The following ZNF469 variants were observed in gnomAD, a reference collection of about 807,000 sequenced individuals.
ZNF469 encodes the protein zinc finger protein 469.
ZNF469 carries 1 observed loss-of-function variant against 1.0 expected under a neutral mutation model. The observed-to-expected ratio is 1.00, with a 90% CI of 0.35 to 4.73. The LOEUF is 4.73. Among genes scored for constraint, ZNF469 ranks in the 30% most tolerant of loss-of-function variants. ZNF469 has a pLI of 0.16. For synonymous variants in ZNF469, 2,703 were observed against 2,363.4 expected (o/e 1.14, Z -4.17); for missense variants, 6,100 against 5,356.3 (o/e 1.14, Z -4.33).
the ZNF469 span, among the ~76,000 whole-genome samples, chr16:88,134,266 C>T: frequency 4.6e-5 from 7 of 152,204 alleles, no homozygotes; most frequent in East Asian, 1.9e-4. Context: ...CCTTCTGCGT[C>T]GGGACACACT....
chr16:88,413,536 G>A (rs1220780591), intron 1 of ZNF469, among the ~76,000 whole-genome samples: 1 of 152,250 alleles, frequency 6.6e-6, no homozygotes, highest in Non-Finnish European at 1.5e-5. Context: ...GGGCCCCGCC[G>A]TCCTGCCTGC....
chr16:88,290,068 C>T, the ZNF469 span, among the ~76,000 whole-genome samples: 1 of 152,204 alleles, frequency 6.6e-6, no homozygotes, highest in African/African-American at 2.4e-5. Flanking sequence ...AGAGCTCAGA[C>T]AGCAGCGATG....
the ZNF469 span, among the ~76,000 whole-genome samples, chr16:88,119,971 C>T: frequency 8.5e-5 from 13 of 152,140 alleles, no homozygotes; most frequent in African/African-American, 1.2e-4. Context: ...GTCTCTCTGC[C>T]GCCGCCGTGC....
chr16:88,167,094 A>G, the ZNF469 span, among the ~76,000 whole-genome samples: 8,193 of 116,526 alleles, frequency 0.07, 312 homozygotes, highest in African/African-American at 0.11. Context: ...GGGAAATCCC[A>G]TCTGTCCTCC....
At chr16:88,117,803 G>A in the ZNF469 span, among the ~76,000 whole-genome samples, 40 of 152,340 alleles carry the variant, frequency 2.6e-4, no homozygotes, top group African/African-American at 8.7e-4. Context: ...TGGACCTGTC[G>A]GAGTGACTGT....
the ZNF469 span, among the ~76,000 whole-genome samples, chr16:88,211,183 C>T: frequency 1.1e-4 from 17 of 152,206 alleles, no homozygotes; most frequent in African/African-American, 2.9e-4. Context: ...TGGAGGTTTT[C>T]GACCATTAGC....
chr16:88,364,085 T>C, the ZNF469 span, among the ~76,000 whole-genome samples: 1 of 152,262 alleles, frequency 6.6e-6, no homozygotes. Flanking sequence ...ATTTTTTGTG[T>C]TACCTTCTGG....
At chr16:88,292,694 C>T in the ZNF469 span, among the ~76,000 whole-genome samples, 40 of 151,446 alleles carry the variant, frequency 2.6e-4, 1 homozygote, top group South Asian at 1.7e-3. Flanking sequence ...TGAAGCGCCT[C>T]CTGCTCTGGG....
intron 1 of ZNF469, among the ~76,000 whole-genome samples, chr16:88,417,714 C>T (rs1905342001): frequency 6.6e-6 from 1 of 152,204 alleles, no homozygotes. Context: ...AGAGGGTAGG[C>T]TGTGTCTCCA....
chr16:88,211,195 C>G, the ZNF469 span, among the ~76,000 whole-genome samples: 1 of 152,254 alleles, frequency 6.6e-6, no homozygotes, highest in African/African-American at 2.4e-5. Context: ...ACCATTAGCT[C>G]TTCCACCTGG....
chr16:88,337,354 C>A, the ZNF469 span, among the ~76,000 whole-genome samples: 1 of 152,208 alleles, frequency 6.6e-6, no homozygotes, highest in Non-Finnish European at 1.5e-5. Context: ...CTCTTGCCTC[C>A]TGCCATGTAA....
At chr16:88,128,377 T>G in the ZNF469 span, among the ~76,000 whole-genome samples, 1 of 152,160 alleles carries the variant, frequency 6.6e-6, no homozygotes, top group African/African-American at 2.4e-5. Flanking sequence ...ATAGCATATT[T>G]TTTAAAATAT....
chr16:88,172,243 G>A, the ZNF469 span, among the ~76,000 whole-genome samples: 19 of 152,346 alleles, frequency 1.2e-4, no homozygotes, highest in Middle Eastern at 3.4e-3. Context: ...CTGTGTGTGC[G>A]TGTGAAGAAA....
chr16:88,118,636 T>C, the ZNF469 span, among the ~76,000 whole-genome samples: 3 of 152,238 alleles, frequency 2.0e-5, no homozygotes, highest in Non-Finnish European at 4.4e-5. Flanking sequence ...CAGAGTGCGC[T>C]GATCCAGGCT....
At chr16:88,349,841 C>T in the ZNF469 span, among the ~76,000 whole-genome samples, 1 of 144,810 alleles carries the variant, frequency 6.9e-6, no homozygotes, top group South Asian at 2.6e-4. Flanking sequence ...GCACCATACA[C>T]ACCACACACA....
upstream of ZNF469, among the ~76,000 whole-genome samples, chr16:88,381,107 C>G (rs557448362): frequency 1.1e-4 from 16 of 147,686 alleles, no homozygotes; most frequent in African/African-American, 3.8e-4. Context: ...CCCGGACATG[C>G]ACTCGCACAC....
the ZNF469 span, among the ~76,000 whole-genome samples, chr16:88,149,779 C>A: frequency 2.6e-5 from 4 of 152,172 alleles, no homozygotes; most frequent in Admixed American, 6.5e-5. Flanking sequence ...GGCTCTCTTT[C>A]CCTCTTTCAG....
rs1177735361 is a variant in ZNF469, at chr16:88,439,002, C to A, written c.11532C>A (p.Pro3844=). 6.5e-7 allele frequency: 1 copy of A among 1,550,268 alleles called. No individual in the cohort carries two copies. Among genetic ancestry groups the A allele is most frequent in the Admixed American group, 2.0e-5 (1 of 50,990 alleles). The change falls in exon 3 of 3, where the codon CCC becomes CCA. Residue 3844 remains proline, a synonymous_variant. Coordinates refer to ENST00000565624, the MANE Select transcript of ZNF469 (RefSeq NM_001367624.2). ...GAGCCCCCTCAGCCCCTGACAAGCC[C>A]CCCCGGACCCCTCGGAAGCAGGCAA... ...FGRAPSAPDK[P]PRTPRKQATP...
the ZNF469 span, among the ~76,000 whole-genome samples, chr16:88,129,974 G>A: frequency 2.6e-5 from 4 of 152,242 alleles, no homozygotes; most frequent in African/African-American, 2.4e-5. Context: ...TTCAGACTCA[G>A]CTTTTCTTGC....
Sources: gnomAD v4.1 joint callset for allele counts (sites outside exome capture counted in the v4.1 genomes callset) on GRCh38, gnomAD v4.1.1 for gene constraint, MANE v1.5 for transcripts, NCBI Gene and HGNC (gene_info 2026-07-23, HGNC 2026-07-21) for gene names.